GGA3: variants seen among roughly 807,000 people sequenced by gnomAD.
The protein encoded by GGA3 is ADP-ribosylation factor-binding protein GGA3.
GGA3 carries 57 observed loss-of-function variants against 77.5 expected under a neutral mutation model. The ratio of observed to expected loss-of-function variants is 0.74; its 90% CI spans 0.59 to 0.92. GGA3 has a LOEUF of 0.92. Among genes scored for constraint, GGA3 ranks in the 40% least tolerant of loss-of-function variants. The probability of loss-of-function intolerance (pLI) is 0.00; values close to 1 mark genes in which losing one functional copy is unlikely to be tolerated. For synonymous variants in GGA3, 416 were observed against 383.7 expected, an observed-to-expected ratio of 1.08 and a Z score of -0.98; for missense variants, 970 against 914.9, an observed-to-expected ratio of 1.06 and a Z score of -0.78.
chr17:75,242,151 C>G (rs1180779063), intron 8 of GGA3, 185 bp downstream of exon 8: 8 of 673,628 alleles, frequency 1.2e-5, no homozygotes, highest in Non-Finnish European at 1.8e-5. Context: ...GTCAGCTGAT[C>G]CCAGGAGGCA....
At chr17:75,243,227 T>A (rs1210757250) in intron 5 of GGA3, 61 bp from the exon 6 acceptor site, 1 of 1,295,898 alleles carries the variant, frequency 7.7e-7, no homozygotes, top group Non-Finnish European at 1.1e-6. Flanking sequence ...CCCCTCCTCA[T>A]ACACCAAGGG....
intron 1 of GGA3, among the ~76,000 whole-genome samples, chr17:75,258,374 C>T (rs1219255083): frequency 6.6e-6 from 1 of 152,140 alleles, no homozygotes; most frequent in African/African-American, 2.4e-5. Flanking sequence ...GAAATTTAAA[C>T]TTCTTCGGCT....
chr17:75,236,793 C>G lies in GGA3; in HGVS notation c.*1486G>C, dbSNP rs1409203251. ...ACAGACATTCCCAGGGCTGCAGCAG[C>G]CAGTCTCTGGAAAGCTCTTGGATTT... On this transcript the variant is annotated 3_prime_UTR_variant, in exon 17 of 17. Coordinates refer to ENST00000537686, the MANE Select transcript of GGA3 (RefSeq NM_138619.4). 1.3e-5 allele frequency: 2 copies of G among 153,772 alleles called. No individual in the cohort carries two copies. The highest frequency in any genetic ancestry group is 4.8e-5 in the African/African-American group (2 of 41,430). The allele number at this position is 153,772 out of a possible 1,614,324, so 9.5% of individuals were successfully genotyped here. A position where few individuals can be genotyped will look rare whatever the true frequency, so the allele number is the denominator to read the frequency against.
chr17:75,237,556 C>T lies in GGA3; in HGVS notation c.*723G>A. 1 of 1,535,862 alleles carries T rather than the reference C, an allele frequency of 6.5e-7. No individual in the cohort carries two copies. Among genetic ancestry groups the T allele is most frequent in the Non-Finnish European group, 8.7e-7 (1 of 1,146,708 alleles). On this transcript the variant is annotated 3_prime_UTR_variant, in exon 17 of 17. Coordinates refer to ENST00000537686, the MANE Select transcript of GGA3 (RefSeq NM_138619.4). ...TTCTGGAGAAGGGGAAATACTGGCT[C>T]TCTTCATTTTCCTTCCTATCCCTAG...
intron 11 of GGA3, 85 bp downstream of exon 11, chr17:75,240,727 G>C: frequency 4.9e-6 from 7 of 1,438,126 alleles, no homozygotes; most frequent in Non-Finnish European, 6.5e-6. Context: ...TCACACTGGG[G>C]CCCCGCTCAG....
chr17:75,240,815 A>C lies in GGA3; in HGVS notation c.1189T>G (p.Leu397Val), dbSNP rs745415655. ...TGACGCCCCCTGTGGGCCGCACCCA[A>C]GCAGAGTAGCTCCTCGTCCAGCCAG... ...LSWLDEELLC[L>V]GLADPAPNVP... is the part of the protein sequence containing the mutation. The change falls in exon 11 of 17, where the codon TTG (leucine) becomes GTG (valine). Residue 397 changes from leucine (L) to valine (V), a missense_variant. Physicochemically the swap from Leu to Val is conservative, Grantham distance 32. Transcript: ENST00000537686. The C allele has an allele frequency of 1.2e-5, 20 of 1,610,362 alleles. No individual in the cohort carries two copies. The Admixed American group carries it at 2.0e-4, about 16-fold the overall frequency.
intron 11 of GGA3, 183 bp from the exon 12 acceptor site, chr17:75,240,595 G>A (rs2076513871): frequency 1.5e-6 from 1 of 659,858 alleles, no homozygotes; most frequent in Non-Finnish European, 2.6e-6. Flanking sequence ...AGAAGCGGGG[G>A]GCCTGTGGGG....
At position 75,241,479 on chromosome 17, in the gene GGA3, G is replaced by T; in HGVS notation, c.867C>A (p.Val289=). 1 of 1,613,850 alleles carries T rather than the reference G, an allele frequency of 6.2e-7. No homozygotes were observed. Among genetic ancestry groups the T allele is most frequent in the South Asian group, 1.1e-5 (1 of 91,058 alleles). ...CAATAATTGTTTTGTAAGAGTTGATGACCCGGGAGAGGTTGTCACTGGCTT... is the reference window on the plus strand; with the variant it reads ...CAATAATTGTTTTGTAAGAGTTGATTACCCGGGAGAGGTTGTCACTGGCTT... The part of the protein sequence containing the change: ...ILQASDNLSR[V]INSYKTIIEG... The change falls in exon 10 of 17, where the codon GTC becomes GTA. Residue 289 remains valine (V), a synonymous_variant. Transcript: ENST00000537686.
chr17:75,241,644 C>T lies in GGA3; in HGVS notation c.800G>A (p.Ser267Asn), dbSNP rs933617968. The part of the protein sequence containing the change: ...NKRRTLFKLA[S>N]ETEDNDNSLG... ...ACTGTTATCATTGTCCTCAGTCTCA[C>T]TGGCGAGTTTAAATAAAGTCCGCCT... is the stretch of plus-strand genomic sequence containing the variant. Residue 267 changes from serine (S) to asparagine (N), a missense_variant, in exon 9 of 17, where the codon AGT becomes AAT. Transcript: ENST00000537686. 2.5e-6 allele frequency: 4 copies of T among 1,614,174 alleles called. No homozygotes were observed. In the African/African-American group the frequency reaches 5.3e-5, roughly 22 times the overall value.
At chr17:75,241,869 C>G (rs150231350) in intron 8 of GGA3, 173 bp from the exon 9 acceptor site, 1 of 650,828 alleles carries the variant, frequency 1.5e-6, no homozygotes, top group African/African-American at 1.8e-5. Context: ...ACCACCACAC[C>G]ACATCACCCA....
rs1488588972 is a variant in GGA3, at chr17:75,243,085, A to T, written c.506T>A (p.Phe169Tyr). ...TACCTTGGACTTCTCCTCATCATCAAAAACAGGGTTTTTGGGACGAGGTGG... is the reference window on the plus strand; with the variant it reads ...TACCTTGGACTTCTCCTCATCATCATAAACAGGGTTTTTGGGACGAGGTGG... ...SPPPRPKNPV[F>Y]DDEEKSKLLA... Residue 169 changes from phenylalanine (F) to tyrosine (Y), a missense_variant, in exon 6 of 17, where the codon TTT becomes TAT. Transcript: ENST00000537686. The T allele has an allele frequency of 6.2e-7, 1 of 1,613,192 alleles. No individual in the cohort carries two copies. The highest frequency in any genetic ancestry group is 8.5e-7 in the Non-Finnish European group (1 of 1,179,554).
chr17:75,248,650 G>A (rs1470354688), intron 1 of GGA3, among the ~76,000 whole-genome samples: 1 of 151,456 alleles, frequency 6.6e-6, no homozygotes, highest in East Asian at 2.0e-4. Context: ...GCTGGGCATG[G>A]TGGCACATGC....
At chr17:75,258,974 G>T (rs2077251428) in intron 1 of GGA3, among the ~76,000 whole-genome samples, 1 of 140,344 alleles carries the variant, frequency 7.1e-6, no homozygotes, top group Admixed American at 7.1e-5. Context: ...TTTTTTTGGA[G>T]ACGGAGTCTC....
chr17:75,241,882 A>G lies in GGA3; in HGVS notation c.748-186T>C. Reference sequence around the variant, plus strand: ...CCACCACCACACCACATCACCCAGGATGTTTGTCTAGGTAGCAGTCACCAG... The same window carrying G: ...CCACCACCACACCACATCACCCAGGGTGTTTGTCTAGGTAGCAGTCACCAG... On this transcript the variant is annotated intron_variant, in intron 8 of 16. Transcript: ENST00000537686. 1.3e-5 allele frequency: 8 copies of G among 629,348 alleles called. 1 individual carries two copies. In the South Asian group the frequency reaches 1.4e-4, roughly 11 times the overall value. The allele number at this position is 629,348 out of a possible 1,614,324, so 39.0% of individuals were successfully genotyped here. A position where few individuals can be genotyped will look rare whatever the true frequency, so the allele number is the denominator to read the frequency against.
At chr17:75,250,762 C>CA (rs5822078) in intron 1 of GGA3, among the ~76,000 whole-genome samples, 10,717 of 78,804 alleles carry the variant, frequency 0.14, 2,089 homozygotes, top group African/African-American at 0.45. Flanking sequence ...ACTCCATCTC[C>CA]AAAAAAAAAA....
At chr17:75,258,728 C>T (rs1311472921) in intron 1 of GGA3, among the ~76,000 whole-genome samples, 2 of 151,976 alleles carry the variant, frequency 1.3e-5, no homozygotes, top group Non-Finnish European at 2.9e-5. Flanking sequence ...TTGGTAGAAT[C>T]TGGTCTTAAC....
rs2076405942 is a variant in GGA3, at chr17:75,238,645, T to C, written c.2061+7A>G. On this transcript the variant is annotated splice_region_variant and intron_variant, in intron 16 of 16. Transcript: ENST00000537686. ...AGGCTGGGACCCCTGGGTTCTTTGC[T>C]GCTCACCTTCAGTGGATTGGCCAGC... 7 of 1,602,748 alleles carry C rather than the reference T, an allele frequency of 4.4e-6. No individual in the cohort carries two copies. Among genetic ancestry groups the C allele is most frequent in the Non-Finnish European group, 6.0e-6 (7 of 1,171,352 alleles).
rs1350241624 is a variant in GGA3, at chr17:75,246,541, G to A, written c.169C>T (p.Pro57Ser). The change falls in exon 3 of 17, where the codon CCA becomes TCA. Residue 57 changes from proline (P) to serine (S), a missense_variant. Physicochemically the swap from Pro to Ser is moderately conservative, Grantham distance 74. Transcript: ENST00000537686. ...VRLLAHKIQS[P>S]QEWEALQALT... ...GCCTGGAGCGCCTCCCATTCCTGTG[G>A]GGACTGGATCTTGTGGGCCAGCAGT... 6.2e-7 allele frequency: 1 copy of A among 1,613,688 alleles called. No homozygotes were observed. The highest frequency in any genetic ancestry group is 1.3e-5 in the African/African-American group (1 of 74,932).
Position 75,244,626 on chromosome 17 carries a change from G to A in GGA3, c.293C>T (p.Ser98Phe). Residue 98 changes from serine to phenylalanine, a missense_variant, in exon 4 of 17, where the codon TCT (serine) becomes TTT (phenylalanine). Physicochemically the swap from Ser to Phe is radical, Grantham distance 155. Coordinates refer to ENST00000537686, the MANE Select transcript of GGA3 (RefSeq NM_138619.4). The part of the protein sequence containing the change: ...RFLNELIKVV[S>F]PKYLGDRVSE... ...AATCTGCCGCTGACTGACCTTTGGA[G>A]AGACGACTTTGATTAACTCATTCAA... is the stretch of plus-strand genomic sequence containing the variant. 1 of 1,606,648 alleles carries A rather than the reference G, an allele frequency of 6.2e-7. No individual in the cohort carries two copies.
Sources: gnomAD v4.1 joint callset for allele counts (sites outside exome capture counted in the v4.1 genomes callset) on GRCh38, gnomAD v4.1.1 for gene constraint, MANE v1.5 for transcripts, NCBI Gene and HGNC (gene_info 2026-07-23, HGNC 2026-07-21) for gene names.